Variants in PRPF8 observed in about 807,000 individuals in gnomAD.
The protein encoded by PRPF8 is pre-mRNA-processing-splicing factor 8.
Under a neutral mutation model 285.9 loss-of-function variants are expected in PRPF8, and 64 were observed. That is an observed-to-expected ratio of 0.22 (90% confidence interval 0.18 to 0.28). PRPF8 has a LOEUF of 0.28. Among genes scored for constraint, PRPF8 ranks in the 10% least tolerant of loss-of-function variants. The probability of loss-of-function intolerance (pLI) is 1.00; values close to 1 mark genes in which losing one functional copy is unlikely to be tolerated. For synonymous variants in PRPF8, 1,325 were observed against 1,118.2 expected (o/e 1.18, Z -3.69); for missense variants, 1,426 against 3,026.7 (o/e 0.47, Z 12.41).
chr17:1,660,947 G>A (rs1398683860), intron 28 of PRPF8, 46 bp downstream of exon 28: 2 of 1,612,608 alleles, frequency 1.2e-6, no homozygotes, highest in African/African-American at 1.3e-5. Context: ...CAAGAGATGA[G>A]CTCAAAGGGT....
In PRPF8 at chr17:1,650,904, T is replaced by C. The variant is rs1044148837; in HGVS notation, c.6906A>G (p.Lys2302=). 3.7e-6 allele frequency: 6 copies of C among 1,614,202 alleles called. No individual in the cohort carries two copies. The highest frequency in any genetic ancestry group is 1.7e-5 in the Admixed American group (1 of 60,036). The change falls in exon 43 of 43, where the codon AAA becomes AAG. Residue 2302 remains lysine (K), a synonymous_variant. Transcript: ENST00000304992. Reference sequence around the variant, plus strand: ...GCCTGTGCACCTCGTGGTAGAACTCTTTGGGGTTCGCCAGCTGTAGCTCAT... The same window carrying C: ...GCCTGTGCACCTCGTGGTAGAACTCCTTGGGGTTCGCCAGCTGTAGCTCAT... The part of the protein sequence containing the change: ...MKYELQLANP[K]EFYHEVHRPS...
Position 1,676,813 on chromosome 17 carries a change from T to A in PRPF8, c.2182-102A>T. ...GGAGGCTAAGGAGGATCGCTTGAGC[T>A]CAGGAGCTTGAGGCCAGCCTAAGCA... is the stretch of plus-strand genomic sequence containing the variant. On this transcript the variant is annotated intron_variant, in intron 15 of 42. Transcript: ENST00000304992. The surrounding 1 kb of genome is among the most constrained non-coding windows in gnomAD (Gnocchi z 6.3). 2 of 1,500,082 alleles carry A rather than the reference T, an allele frequency of 1.3e-6. No individual in the cohort carries two copies. The highest frequency in any genetic ancestry group is 1.8e-6 in the Non-Finnish European group (2 of 1,085,872). The allele number at this position is 1,500,082 out of a possible 1,614,324, so 92.9% of individuals were successfully genotyped here. A position where few individuals can be genotyped will look rare whatever the true frequency, so the allele number is the denominator to read the frequency against.
In PRPF8 at chr17:1,659,431, G is replaced by C; in HGVS notation, c.5064C>G (p.Thr1688=). ...AAGGGTAGATACTCATGTTGTCGGT[G>C]GTGTAGTCCAGGAACTTGGCCCGGG... ...RYARAKFLDY[T]TDNMSIYPSP... is the part of the protein sequence containing the mutation. Residue 1688 remains threonine (T), a synonymous_variant, in exon 32 of 43, where the codon ACC becomes ACG. Transcript: ENST00000304992. This position sits in a 1 kb window ranked among gnomAD's most constrained non-coding sequence, Gnocchi z 5.1. 1 of 1,614,088 alleles carries C rather than the reference G, an allele frequency of 6.2e-7. No individual in the cohort carries two copies. Among genetic ancestry groups the C allele is most frequent in the Non-Finnish European group, 8.5e-7 (1 of 1,180,028 alleles).
intron 24 of PRPF8, among the ~76,000 whole-genome samples, chr17:1,670,905 G>A (rs1435313718): frequency 6.6e-6 from 1 of 150,618 alleles, no homozygotes; most frequent in Non-Finnish European, 1.5e-5. Context: ...ACAGAAATTT[G>A]ACAAAGTCTG....
chr17:1,663,138 T>C (rs1911766749), intron 24 of PRPF8, among the ~76,000 whole-genome samples: 1 of 152,136 alleles, frequency 6.6e-6, no homozygotes, highest in East Asian at 1.9e-4. Context: ...AGTAGACTAA[T>C]GGTCAAAGTA....
At chr17:1,671,309 A>G (rs1912303665) in intron 24 of PRPF8, among the ~76,000 whole-genome samples, 1 of 152,198 alleles carries the variant, frequency 6.6e-6, no homozygotes, top group Non-Finnish European at 1.5e-5. Context: ...AATGCTCACA[A>G]AAAGCTGAAA....
At chr17:1,677,961 A>G (rs766684296) in intron 13 of PRPF8, among the ~76,000 whole-genome samples, 1 of 152,196 alleles carries the variant, frequency 6.6e-6, no homozygotes, top group Non-Finnish European at 1.5e-5. Context: ...GCTGCTCTCC[A>G]AATAGGTCCC....
chr17:1,660,005 A>AG lies in PRPF8; in HGVS notation c.4786-5_4786-4insC. On this transcript the variant is annotated splice_region_variant and splice_polypyrimidine_tract_variant and intron_variant, in intron 30 of 42. Coordinates refer to ENST00000304992, the MANE Select transcript of PRPF8 (RefSeq NM_006445.4). Reference sequence around the variant, plus strand: ...CATCAAGTTCCTGGTCAAACACCTGAAGGAAAACATGGAGAGATTAAGACT... The same window carrying AG: ...CATCAAGTTCCTGGTCAAACACCTGAGAGGAAAACATGGAGAGATTAAGACT... 1 of 1,614,014 alleles carries AG rather than the reference A, an allele frequency of 6.2e-7. No homozygotes were observed. Among genetic ancestry groups the AG allele is most frequent in the African/African-American group, 1.3e-5 (1 of 75,056 alleles).
chr17:1,677,744 CA>C, intron 13 of PRPF8, 50 bp from the exon 14 acceptor site: 3 of 1,612,336 alleles, frequency 1.9e-6, no homozygotes, highest in Non-Finnish European at 2.5e-6. Context: ...TGCATTTAAA[CA>C]ACAATAGAAA....
rs757630354 is a variant in PRPF8 at position 1,656,426 on chromosome 17, T to C, written c.5759A>G (p.Tyr1920Cys). The change falls in exon 36 of 43, where the codon TAT becomes TGT. Residue 1920 changes from tyrosine (Y) to cysteine (C), a missense_variant. Coordinates refer to ENST00000304992, the MANE Select transcript of PRPF8 (RefSeq NM_006445.4). ...TGAAATAGTCTTGAGCCAGTCGTCA[T>C]AGAGGTTGAAGAGAACCATCTGGGG... ...TEPQMVLFNL[Y>C]DDWLKTISSY... is the part of the protein sequence containing the mutation. The C allele has an allele frequency of 1.9e-6, 3 of 1,614,232 alleles. No homozygotes were observed. The highest frequency in any genetic ancestry group is 1.7e-6 in the Non-Finnish European group (2 of 1,180,044).
Position 1,675,176 on chromosome 17 carries a change from C to T in PRPF8, c.3036G>A (p.Lys1012=). Residue 1012 remains lysine (K), a synonymous_variant, in exon 20 of 43, where the codon AAG becomes AAA. Transcript: ENST00000304992. This position sits in a 1 kb window ranked among gnomAD's most constrained non-coding sequence, Gnocchi z 6.0. ...CCTTATAGTTGATGACGACGTTGTT[C>T]TTGGCTGTCATGTAGTCGGCTATGT... ...DHNIADYMTA[K]NNVVINYKDM... 6.2e-7 allele frequency: 1 copy of T among 1,613,998 alleles called. No individual in the cohort carries two copies. Among genetic ancestry groups the T allele is most frequent in the Non-Finnish European group, 8.5e-7 (1 of 1,180,044 alleles).
In PRPF8 at chr17:1,676,359, G is replaced by T; in HGVS notation, c.2400C>A (p.Tyr800Ter). ...CTGCCACTGCTTCCTCCGCTGTGAT[G>T]TAAGGCCCGTCCTGTAAGGTGGACA... ...RQHNYLKDGPYITAEEAVAVY... is the reference protein window; with the variant it reads ...RQHNYLKDGP The change falls in exon 17 of 43, where the codon TAC becomes TAA. Residue 800 changes from tyrosine to a stop codon, truncating the protein, a stop_gained. Coordinates refer to ENST00000304992, the MANE Select transcript of PRPF8 (RefSeq NM_006445.4). LOFTEE classifies it high-confidence loss of function. The surrounding 1 kb of genome is among the most constrained non-coding windows in gnomAD (Gnocchi z 6.3). 6.2e-7 allele frequency: 1 copy of T among 1,614,158 alleles called. No individual in the cohort carries two copies. Among genetic ancestry groups the T allele is most frequent in the Non-Finnish European group, 8.5e-7 (1 of 1,180,036 alleles).
intron 24 of PRPF8, among the ~76,000 whole-genome samples, chr17:1,668,089 G>C (rs1274576836): frequency 6.6e-6 from 1 of 152,212 alleles, no homozygotes; most frequent in Admixed American, 6.5e-5. Context: ...ACAGATGAGG[G>C]AATTGAGGCC....
chr17:1,667,866 C>G (rs1486904011), intron 24 of PRPF8, among the ~76,000 whole-genome samples: 1 of 151,998 alleles, frequency 6.6e-6, no homozygotes, highest in East Asian at 1.9e-4. Context: ...TAAATATAAA[C>G]AGGATCTTGC....
Position 1,678,550 on chromosome 17 carries a change from G to A in PRPF8, c.1822C>T (p.Leu608=), listed in dbSNP as rs1039744983. 6.2e-7 allele frequency: 1 copy of A among 1,614,236 alleles called. No homozygotes were observed. The highest frequency in any genetic ancestry group is 1.1e-5 in the South Asian group (1 of 91,086). The change falls in exon 13 of 43, where the codon CTG becomes TTG. Residue 608 remains leucine, a synonymous_variant. Transcript: ENST00000304992. ...LMRQIRMCKD[L]KHLIYYRFNT... ...AAACGATAATAGATGAGATGCTTCAGGTCCTTGCACATGCGAATCTGTCGC... is the reference window on the plus strand; with the variant it reads ...AAACGATAATAGATGAGATGCTTCAAGTCCTTGCACATGCGAATCTGTCGC...
chr17:1,680,867 G>A (rs762666915), intron 7 of PRPF8, 36 bp from the exon 8 acceptor site: 35 of 1,613,988 alleles, frequency 2.2e-5, no homozygotes, highest in South Asian at 1.4e-4. Flanking sequence ...AAGTTTTCCC[G>A]CCCTGGCCCA....
chr17:1,674,069 C>A (rs1315161653), intron 21 of PRPF8, among the ~76,000 whole-genome samples, 177 bp from the exon 22 acceptor site: 1 of 152,162 alleles, frequency 6.6e-6, no homozygotes, highest in East Asian at 1.9e-4. Context: ...TTTCCCCAGG[C>A]TGGAGCGCAG....
intron 24 of PRPF8, among the ~76,000 whole-genome samples, chr17:1,663,710 CAAAAAA>C (rs58454297): frequency 0.043 from 722 of 16,870 alleles, 3 homozygotes; most frequent in African/African-American, 0.12. Flanking sequence ...GACTCCATCT[CAAAAAA>C]AAAAAAAAAA....
In PRPF8 at chr17:1,675,768, T is replaced by C; in HGVS notation, c.2724A>G (p.Val908=). The change falls in exon 19 of 43, where the codon GTA becomes GTG. Residue 908 remains valine (V), a synonymous_variant. Transcript: ENST00000304992. This position sits in a 1 kb window ranked among gnomAD's most constrained non-coding sequence, Gnocchi z 6.0. ...FMDLYSHLVP[V]YDVEPLEKIT... is the part of the protein sequence containing the mutation. ...TCTTCTCCAGGGGCTCAACATCATA[T>C]ACTGGAACGAGGTGGCTATACAGAT... 1 of 1,614,136 alleles carries C rather than the reference T, an allele frequency of 6.2e-7. No individual in the cohort carries two copies. Among genetic ancestry groups the C allele is most frequent in the Non-Finnish European group, 8.5e-7 (1 of 1,180,028 alleles).
Sources: allele counts gnomAD v4.1 joint callset (sites outside exome capture counted in the v4.1 genomes callset), GRCh38; gene constraint gnomAD v4.1.1; non-coding constraint Gnocchi (gnomAD v3.1); transcripts MANE v1.5; gene names NCBI Gene and HGNC (gene_info 2026-07-23, HGNC 2026-07-21).